ZDHHC3: variants seen among roughly 807,000 people sequenced by gnomAD.
ZDHHC3 encodes the protein palmitoyltransferase ZDHHC3.
Under a neutral mutation model 30.6 loss-of-function variants are expected in ZDHHC3, and 9 were observed. The ratio of observed to expected loss-of-function variants is 0.29; its 90% confidence interval spans 0.18 to 0.51. The LOEUF is 0.51. Ranked by LOEUF, ZDHHC3 falls within the 20% of genes least tolerant of loss-of-function variation. The probability of loss-of-function intolerance (pLI) is 0.97; values close to 1 mark genes in which losing one functional copy is unlikely to be tolerated. For missense variants in ZDHHC3, 246 were observed against 384.2 expected (o/e 0.64, Z 3.01); for synonymous variants, 136 against 140.2 (o/e 0.97, Z 0.21).
chr3:44,936,999 T>C (rs1204974082), intron 3 of ZDHHC3, among the ~76,000 whole-genome samples: 2 of 152,138 alleles, frequency 1.3e-5, no homozygotes, highest in African/African-American at 2.4e-5. Context: ...CACCAGCCAA[T>C]AGATGTGCTC....
intron 3 of ZDHHC3, among the ~76,000 whole-genome samples, chr3:44,939,498 C>A (rs1396301513): frequency 2.6e-5 from 4 of 152,158 alleles, no homozygotes; most frequent in African/African-American, 7.2e-5. Flanking sequence ...GTTTCTTAAT[C>A]CCCTTCCCAT....
chr3:44,961,482 G>A (rs1559715474), intron 1 of ZDHHC3, among the ~76,000 whole-genome samples: 1 of 152,202 alleles, frequency 6.6e-6, no homozygotes. Context: ...GAGCAATCCT[G>A]TGCTATCCAG....
chr3:44,931,306 G>C lies in ZDHHC3; in HGVS notation c.610+1812C>G, dbSNP rs1194782781. ...CACCTCCTTCTTACCTACCTCTGCT[G>C]CCCTGGAGCTGGTGGAAGAGCCCAG... On this transcript the variant is annotated intron_variant, in intron 5 of 6. Coordinates refer to ENST00000424952, the MANE Select transcript of ZDHHC3 (RefSeq NM_001135179.2). 2.0e-5 allele frequency among the ~76,000 whole-genome samples: 3 copies of C among 152,344 alleles called. No individual in the cohort carries two copies. The East Asian group carries it at 5.8e-4, about 29-fold the overall frequency.
intron 1 of ZDHHC3, among the ~76,000 whole-genome samples, chr3:44,966,401 A>T (rs910656299): frequency 2.6e-5 from 4 of 152,218 alleles, no homozygotes; most frequent in African/African-American, 9.7e-5. Flanking sequence ...ACTAATTCTT[A>T]CCACAGTTAA....
At chr3:44,952,860 C>T (rs1007750856) in intron 2 of ZDHHC3, among the ~76,000 whole-genome samples, 9 of 152,210 alleles carry the variant, frequency 5.9e-5, no homozygotes, top group Admixed American at 5.2e-4. Flanking sequence ...GCTACCACAG[C>T]TTGTATGTAT....
intron 5 of ZDHHC3, among the ~76,000 whole-genome samples, chr3:44,931,171 G>T (rs1701454744): frequency 6.6e-6 from 1 of 152,224 alleles, no homozygotes; most frequent in African/African-American, 2.4e-5. Context: ...GGCTTTCTGA[G>T]ATTTTGTTTT....
chr3:44,931,441 T>G (rs1394363805), intron 5 of ZDHHC3, among the ~76,000 whole-genome samples: 1 of 151,844 alleles, frequency 6.6e-6, no homozygotes, highest in Non-Finnish European at 1.5e-5. Context: ...GATCAGGGAG[T>G]GTGGAACCAC....
In ZDHHC3 at chr3:44,957,265, T is replaced by C. The variant is rs142153510; in HGVS notation, c.306+1866A>G. 2.8e-4 allele frequency among the ~76,000 whole-genome samples: 42 copies of C among 152,334 alleles called. 1 individual carries two copies. Among genetic ancestry groups the C allele is most frequent in the African/African-American group, 9.9e-4 (41 of 41,590 alleles). On this transcript the variant is annotated intron_variant, in intron 2 of 6. Coordinates refer to ENST00000424952, the MANE Select transcript of ZDHHC3 (RefSeq NM_001135179.2). The stretch of plus-strand genomic sequence containing the variant: ...CCTGTTCAATCATGTCCTTCCTACC[T>C]GACCCCGTCACTACAAAGTGAGCTT...
intron 1 of ZDHHC3, among the ~76,000 whole-genome samples, chr3:44,975,003 C>T (rs951090084): frequency 6.6e-6 from 1 of 151,778 alleles, no homozygotes; most frequent in Non-Finnish European, 1.5e-5. Flanking sequence ...CTATAGTAGG[C>T]TCCCAATAGT....
intron 3 of ZDHHC3, among the ~76,000 whole-genome samples, chr3:44,934,186 A>G (rs1170485376): frequency 1.3e-5 from 2 of 152,170 alleles, no homozygotes; most frequent in African/African-American, 4.8e-5. Context: ...CCAAACGGGT[A>G]CAGAGTCATT....
intron 5 of ZDHHC3, among the ~76,000 whole-genome samples, 185 bp from the exon 6 acceptor site, chr3:44,929,621 C>T (rs113400404): frequency 1.0e-3 from 159 of 152,334 alleles, no homozygotes; most frequent in African/African-American, 3.7e-3. Context: ...ATCTCTCAAT[C>T]CCTCAGGGAG....
chr3:44,964,700 C>T (rs866596375), intron 1 of ZDHHC3, among the ~76,000 whole-genome samples: 60 of 152,218 alleles, frequency 3.9e-4, no homozygotes, highest in African/African-American at 1.3e-3. Flanking sequence ...TCCAGGGAGG[C>T]ACAAGGGCAA....
At chr3:44,936,843 C>T (rs1168496461) in intron 3 of ZDHHC3, among the ~76,000 whole-genome samples, 1 of 151,926 alleles carries the variant, frequency 6.6e-6, no homozygotes, top group Non-Finnish European at 1.5e-5. Context: ...CAAACCTTCA[C>T]ATGTACCCCC....
Position 44,933,214 on chromosome 3 carries a change from C to G in ZDHHC3, c.529-15G>C, listed in dbSNP as rs1356142916. 6.2e-7 allele frequency: 1 copy of G among 1,611,992 alleles called. No homozygotes were observed. The highest frequency in any genetic ancestry group is 8.5e-7 in the Non-Finnish European group (1 of 1,178,156). On this transcript the variant is annotated splice_polypyrimidine_tract_variant and intron_variant, in intron 4 of 6. Transcript: ENST00000424952. ...GCTATGTACATCTGAAACAGGAAAC[C>G]AGTGCAGACACCATTGTTGTGAGAA...
rs1700532460 is a variant in ZDHHC3 at position 44,920,729 on chromosome 3, T to C, written c.*5960A>G. 2 of 985,308 alleles carry C rather than the reference T, an allele frequency of 2.0e-6. No homozygotes were observed. The highest frequency in any genetic ancestry group is 1.7e-5 in the African/African-American group (1 of 57,228). The allele number at this position is 985,308 out of a possible 1,614,324, so 61.0% of individuals were successfully genotyped here. On this transcript the variant is annotated 3_prime_UTR_variant, in exon 7 of 7. Transcript: ENST00000424952. ...AGCCAAGAGCCCACAGGATGATTAT[T>C]TGCCATTCATGTGGCATGCTCCCAG...
chr3:44,923,164 T>C lies in ZDHHC3; in HGVS notation c.*3525A>G, dbSNP rs1700729557. 2 of 905,928 alleles carry C rather than the reference T, an allele frequency of 2.2e-6. No individual in the cohort carries two copies. Among genetic ancestry groups the C allele is most frequent in the African/African-American group, 3.6e-5 (2 of 55,440 alleles). The allele number at this position is 905,928 out of a possible 1,614,324, so 56.1% of individuals were successfully genotyped here. A position where few individuals can be genotyped will look rare whatever the true frequency, so the allele number is the denominator to read the frequency against. On this transcript the variant is annotated 3_prime_UTR_variant, in exon 7 of 7. Coordinates refer to ENST00000424952, the MANE Select transcript of ZDHHC3 (RefSeq NM_001135179.2). The stretch of plus-strand genomic sequence containing the variant: ...GATCTTGGCTCACTGCAAGCTCCAC[T>C]TCCCGGGTTCACGCCATTCTCCTGC...
chr3:44,962,494 GAGAA>G (rs1559716728), intron 1 of ZDHHC3, among the ~76,000 whole-genome samples: 2 of 59,898 alleles, frequency 3.3e-5, no homozygotes, highest in Non-Finnish European at 7.3e-5. Context: ...GAAAGGGAGA[GAGAA>G]GGAAGGAAGG....
In ZDHHC3 at chr3:44,959,003, T is replaced by C; in HGVS notation, c.306+128A>G. 8.6e-7 allele frequency: 1 copy of C among 1,159,334 alleles called. No homozygotes were observed. The highest frequency in any genetic ancestry group is 1.2e-6 in the Non-Finnish European group (1 of 817,890). 71.8% of individuals were successfully genotyped at this position (1,159,334 alleles called of 1,614,324 possible). A position where few individuals can be genotyped will look rare whatever the true frequency, so the allele number is the denominator to read the frequency against. On this transcript the variant is annotated intron_variant, in intron 2 of 6. Transcript: ENST00000424952. This position sits in a 1 kb window ranked among gnomAD's most constrained non-coding sequence, Gnocchi z 4.3. ...ACTCTGAACAAGGCAGAGATCTACT[T>C]CCTCACCCTCCCCTGGCCCTCCTAT...
chr3:44,964,153 C>G (rs1028958399), intron 1 of ZDHHC3, among the ~76,000 whole-genome samples: 1 of 152,166 alleles, frequency 6.6e-6, no homozygotes. Context: ...AGCAGACACA[C>G]CCACAATAAT....
Sources: allele counts gnomAD v4.1 joint callset (sites outside exome capture counted in the v4.1 genomes callset), GRCh38; gene constraint gnomAD v4.1.1; non-coding constraint Gnocchi (gnomAD v3.1); transcripts MANE v1.5; gene names NCBI Gene and HGNC (gene_info 2026-07-23, HGNC 2026-07-21).